SLC5A12: variants seen among roughly 807,000 people sequenced by gnomAD.
SLC5A12 encodes the protein sodium-coupled monocarboxylate transporter 2.
In SLC5A12, 46 loss-of-function variants were observed where a neutral mutation model predicts 72.7. The ratio of observed to expected loss-of-function variants is 0.63; its 90% CI spans 0.50 to 0.81. SLC5A12 has a LOEUF of 0.81. SLC5A12 is among the 30% of genes least tolerant of loss of function. SLC5A12 has a pLI of 0.00. For missense variants in SLC5A12, 683 were observed against 740.7 expected, an observed-to-expected ratio of 0.92 and a Z score of 0.90; for synonymous variants, 275 against 264.4, an observed-to-expected ratio of 1.04 and a Z score of -0.39.
intron 10 of SLC5A12, among the ~76,000 whole-genome samples, chr11:26,684,894 A>T (rs1326368672): frequency 6.6e-6 from 1 of 152,224 alleles, no homozygotes; most frequent in Non-Finnish European, 1.5e-5. Context: ...TATAGGTTCC[A>T]TGAATAGGAA....
At chr11:26,692,325 C>A in intron 9 of SLC5A12, 164 bp downstream of exon 9, 1 of 602,076 alleles carries the variant, frequency 1.7e-6, no homozygotes. Flanking sequence ...TCCTGATACC[C>A]TGCTGGATCT....
In SLC5A12 at chr11:26,721,803, T is replaced by C; in HGVS notation, c.-89A>G. ...AGCAAAGTTCAGTACAGTGGATGCT[T>C]TGCTGAGAGGAGAGACTGTGATTCC... On this transcript the variant is annotated 5_prime_UTR_variant, in exon 1 of 15. Transcript: ENST00000396005. 1.8e-6 allele frequency: 2 copies of C among 1,131,216 alleles called. No individual in the cohort carries two copies. The highest frequency in any genetic ancestry group is 3.1e-5 in the African/African-American group (2 of 64,250). The allele number at this position is 1,131,216 out of a possible 1,614,324, so 70.1% of individuals were successfully genotyped here.
chr11:26,700,637 G>T (rs1170141588), intron 6 of SLC5A12, among the ~76,000 whole-genome samples: 1 of 151,162 alleles, frequency 6.6e-6, no homozygotes, highest in Non-Finnish European at 1.5e-5. Context: ...TGGGAGATGG[G>T]ACGTGATACC....
At chr11:26,721,348 T>A (rs779336252) in intron 1 of SLC5A12, 28 bp downstream of exon 1, 14 of 1,517,474 alleles carry the variant, frequency 9.2e-6, no homozygotes, top group Middle Eastern at 3.8e-4. Flanking sequence ...GAAAAAAAAA[T>A]TAGAGAAGAA....
intron 13 of SLC5A12, among the ~76,000 whole-genome samples, chr11:26,675,947 C>CTG (rs373509563): frequency 4.9e-5 from 7 of 144,246 alleles, no homozygotes; most frequent in African/African-American, 7.7e-5. Flanking sequence ...GTGTATCTAT[C>CTG]TGTGTGTGTG....
intron 9 of SLC5A12, among the ~76,000 whole-genome samples, chr11:26,688,069 T>A (rs1854580196): frequency 6.6e-6 from 1 of 152,192 alleles, no homozygotes; most frequent in Admixed American, 6.5e-5. Context: ...ATTCATAAGT[T>A]CTTCTTTTTT....
intron 9 of SLC5A12, among the ~76,000 whole-genome samples, chr11:26,690,882 C>A (rs1766701941): frequency 6.6e-6 from 1 of 150,608 alleles, no homozygotes; most frequent in Admixed American, 6.6e-5. Flanking sequence ...AAAGTACTTA[C>A]AATCTAAAGG....
chr11:26,694,611 A>T (rs1218802171), intron 8 of SLC5A12, among the ~76,000 whole-genome samples: 2 of 152,166 alleles, frequency 1.3e-5, no homozygotes, highest in Non-Finnish European at 2.9e-5. Flanking sequence ...TAGTAAAAAC[A>T]AGTTAGCAGT....
intron 2 of SLC5A12, 46 bp downstream of exon 2, chr11:26,712,595 T>C: frequency 7.0e-7 from 1 of 1,418,528 alleles, no homozygotes; most frequent in Non-Finnish European, 9.7e-7. Flanking sequence ...AACCTATATC[T>C]AGTAACCTCA....
intron 7 of SLC5A12, 33 bp downstream of exon 7, chr11:26,698,373 G>A (rs1554993403): frequency 6.2e-7 from 1 of 1,608,588 alleles, no homozygotes; most frequent in Non-Finnish European, 8.5e-7. Flanking sequence ...GCTCATTCCA[G>A]ACACTCGCCA....
chr11:26,681,290 G>C, intron 11 of SLC5A12, 69 bp from the exon 12 acceptor site: 1 of 1,320,054 alleles, frequency 7.6e-7, no homozygotes. Context: ...AATGAGATGA[G>C]GAGTTCTATG....
intron 3 of SLC5A12, among the ~76,000 whole-genome samples, chr11:26,710,458 C>T (rs1193421107): frequency 6.6e-6 from 1 of 152,114 alleles, no homozygotes; most frequent in Non-Finnish European, 1.5e-5. Context: ...TTTACACTCT[C>T]ACCAACAGTG....
In SLC5A12 at chr11:26,686,232, G is replaced by A. The variant is rs181774789; in HGVS notation, c.1221+245C>T. Among the ~76,000 whole-genome samples, 296 of 152,098 alleles carry A rather than the reference G, an allele frequency of 1.9e-3. 1 individual carries two copies. The highest frequency in any genetic ancestry group is 6.8e-3 in the African/African-American group (284 of 41,500). On this transcript the variant is annotated intron_variant, in intron 10 of 14. Coordinates refer to ENST00000396005, the MANE Select transcript of SLC5A12 (RefSeq NM_178498.4). The stretch of plus-strand genomic sequence containing the variant: ...CACTATCCCATTACTAGTTTTAATC[G>A]TTTCTCCTTCTGAAAGTGATTTAAT...
At chr11:26,694,771 C>G (rs1460812511) in intron 8 of SLC5A12, among the ~76,000 whole-genome samples, 1 of 152,034 alleles carries the variant, frequency 6.6e-6, no homozygotes, top group Non-Finnish European at 1.5e-5. Context: ...CCAAAATATA[C>G]CACTCAGATA....
chr11:26,680,376 TATATATGTATATATATTC>T lies in SLC5A12; in HGVS notation c.1475+661_1475+678del, dbSNP rs1273151869. On this transcript the variant is annotated intron_variant, in intron 12 of 14. Coordinates refer to ENST00000396005, the MANE Select transcript of SLC5A12 (RefSeq NM_178498.4). ...ATATATATATGTATATATATTCATA[TATATATGTATATATATTC>T]ATATATATATATATATTTCCTCATT... Among the ~76,000 whole-genome samples, 172 of 110,142 alleles carry T rather than the reference TATATATGTATATATATTC, an allele frequency of 1.6e-3. 4 individuals are homozygous for T. Among genetic ancestry groups the T allele is most frequent in the East Asian group, 6.2e-3 (25 of 4,026 alleles). The allele number at this position is 110,142 out of a possible 152,430, so 72.3% of individuals were successfully genotyped here. A position where few individuals can be genotyped will look rare whatever the true frequency, so the allele number is the denominator to read the frequency against.
chr11:26,692,607 A>G lies in SLC5A12; in HGVS notation c.1041-6T>C. ...TGATGCTGGAAGCCACGGTGCTATA[A>G]GGAAAGAAAAGTGAGAACATGGTCT... On this transcript the variant is annotated splice_polypyrimidine_tract_variant and splice_region_variant and intron_variant, in intron 8 of 14. Coordinates refer to ENST00000396005, the MANE Select transcript of SLC5A12 (RefSeq NM_178498.4). The G allele has an allele frequency of 6.2e-7, 1 of 1,603,614 alleles. No homozygotes were observed. Among genetic ancestry groups the G allele is most frequent in the Non-Finnish European group, 8.5e-7 (1 of 1,170,464 alleles).
intron 14 of SLC5A12, 113 bp downstream of exon 14, chr11:26,673,289 C>T: frequency 1.7e-6 from 2 of 1,191,122 alleles, no homozygotes; most frequent in East Asian, 2.8e-5. Flanking sequence ...CCTTCAAGTT[C>T]TCACACTCAC....
chr11:26,669,986 T>G lies in SLC5A12; in HGVS notation c.*1116A>C, dbSNP rs1401085050. The G allele has an allele frequency of 3.3e-5, 5 of 152,108 alleles. No individual in the cohort carries two copies. Among genetic ancestry groups the G allele is most frequent in the Non-Finnish European group, 5.9e-5 (4 of 68,016 alleles). 9.4% of individuals were successfully genotyped at this position (152,108 alleles called of 1,614,324 possible). On this transcript the variant is annotated 3_prime_UTR_variant, in exon 15 of 15. Coordinates refer to ENST00000396005, the MANE Select transcript of SLC5A12 (RefSeq NM_178498.4). ...CCTTTTCAGAATTTCACTTCTTCAC[T>G]TCTTCCAAAAATCTTTCACTGCTCC...
chr11:26,689,208 C>A (rs909145785), intron 9 of SLC5A12, among the ~76,000 whole-genome samples: 5 of 151,790 alleles, frequency 3.3e-5, no homozygotes, highest in Admixed American at 6.6e-5. Context: ...CCAGCCTGGC[C>A]AACATGGTGA....
Sources: allele counts gnomAD v4.1 joint callset (sites outside exome capture counted in the v4.1 genomes callset), GRCh38; gene constraint gnomAD v4.1.1; transcripts MANE v1.5; gene names NCBI Gene and HGNC (gene_info 2026-07-23, HGNC 2026-07-21).